Variants in MEGF9 observed in about 807,000 individuals in gnomAD.
The protein encoded by MEGF9 is multiple EGF like domains 9.
MEGF9 carries 6 observed loss-of-function variants against 46.8 expected under a neutral mutation model. The ratio of observed to expected loss-of-function variants is 0.13; its 90% CI spans 0.07 to 0.25. MEGF9 has a LOEUF of 0.25. Ranked by LOEUF, MEGF9 falls within the 10% of genes least tolerant of loss-of-function variation. MEGF9 has a pLI of 1.00. For missense variants in MEGF9, 683 were observed against 792.4 expected (o/e 0.86, Z 1.66); for synonymous variants, 302 against 330.7 (o/e 0.91, Z 0.94).
chr9:120,713,628 C>A, intron 1 of MEGF9, 130 bp downstream of exon 1: 13 of 1,191,118 alleles, frequency 1.1e-5, no homozygotes, highest in Non-Finnish European at 1.4e-5. Context: ...GACCTGGGAT[C>A]CCCCCTCGGG....
intron 3 of MEGF9, 51 bp downstream of exon 3, chr9:120,622,565 A>G: frequency 6.2e-7 from 1 of 1,601,750 alleles, no homozygotes; most frequent in Admixed American, 1.7e-5. Flanking sequence ...AGATTTCCAA[A>G]TTAAAAGAAC....
chr9:120,704,959 A>G (rs1182134974), intron 1 of MEGF9, among the ~76,000 whole-genome samples: 1 of 152,136 alleles, frequency 6.6e-6, no homozygotes, highest in Admixed American at 6.5e-5. Context: ...TAGGAAAATA[A>G]ATTTGCTACT....
intron 1 of MEGF9, among the ~76,000 whole-genome samples, chr9:120,661,858 C>T (rs1180098451): frequency 5.3e-5 from 8 of 152,198 alleles, no homozygotes; most frequent in African/African-American, 1.9e-4. Flanking sequence ...CCAGAAATGA[C>T]CAGAACACTT....
At chr9:120,692,328 T>C (rs1461155341) in intron 1 of MEGF9, among the ~76,000 whole-genome samples, 1 of 152,192 alleles carries the variant, frequency 6.6e-6, no homozygotes, top group Non-Finnish European at 1.5e-5. Context: ...ACAAGTAAAA[T>C]AGGTTTCAAA....
intron 3 of MEGF9, among the ~76,000 whole-genome samples, chr9:120,620,662 G>A (rs1400523439): frequency 6.6e-6 from 1 of 152,074 alleles, no homozygotes; most frequent in Non-Finnish European, 1.5e-5. Context: ...AAGGCAGAGG[G>A]GTCAAGGATG....
Position 120,601,196 on chromosome 9 carries a change from G to C in MEGF9, c.*3994C>G, listed in dbSNP as rs1057382790. On this transcript the variant is annotated 3_prime_UTR_variant, in exon 6 of 6. Coordinates refer to ENST00000373930, the MANE Select transcript of MEGF9 (RefSeq NM_001080497.3). Reference sequence around the variant, plus strand: ...TTACAACTTGACTTTAAATCATTTAGCTTTTGGACTAACTTAGATCTGAAG... The same window carrying C: ...TTACAACTTGACTTTAAATCATTTACCTTTTGGACTAACTTAGATCTGAAG... 1 of 152,478 alleles carries C rather than the reference G, an allele frequency of 6.6e-6. No individual in the cohort carries two copies. Among genetic ancestry groups the C allele is most frequent in the African/African-American group, 2.4e-5 (1 of 41,434 alleles). 9.4% of individuals were successfully genotyped at this position (152,478 alleles called of 1,614,324 possible).
At chr9:120,629,095 T>C (rs376691530) in intron 2 of MEGF9, among the ~76,000 whole-genome samples, 2 of 152,118 alleles carry the variant, frequency 1.3e-5, no homozygotes, top group African/African-American at 4.8e-5. Flanking sequence ...CCCACCTCAA[T>C]CTCTTGAGTG....
intron 2 of MEGF9, among the ~76,000 whole-genome samples, chr9:120,658,718 C>T (rs1307473186): frequency 6.6e-6 from 1 of 152,142 alleles, no homozygotes; most frequent in East Asian, 1.9e-4. Context: ...AAGTGCCTCA[C>T]ATAAGGTCAA....
At chr9:120,622,417 C>CTTTTTTTTTTTTTTT (rs59380409) in intron 3 of MEGF9, among the ~76,000 whole-genome samples, 199 bp downstream of exon 3, 3 of 101,190 alleles carry the variant, frequency 3.0e-5, no homozygotes, top group Admixed American at 1.2e-4. Flanking sequence ...AGGTATATGA[C>CTTTTTTTTTTTTTTT]TTTTTTTTTT....
At chr9:120,607,616 G>A (rs2043425039) in intron 5 of MEGF9, 125 bp downstream of exon 5, 15 of 1,040,262 alleles carry the variant, frequency 1.4e-5, no homozygotes, top group Non-Finnish European at 2.0e-5. Flanking sequence ...ACCTCTTTAG[G>A]CAAATATCTA....
intron 2 of MEGF9, among the ~76,000 whole-genome samples, chr9:120,643,422 G>A (rs1280296273): frequency 6.6e-6 from 1 of 152,140 alleles, no homozygotes; most frequent in Non-Finnish European, 1.5e-5. Context: ...GAATTTGATT[G>A]TACATTCTAA....
intron 1 of MEGF9, among the ~76,000 whole-genome samples, chr9:120,693,633 T>A (rs955489147): frequency 1.3e-5 from 2 of 152,238 alleles, no homozygotes; most frequent in Non-Finnish European, 2.9e-5. Flanking sequence ...GGAATCCATT[T>A]GGAATTTTTC....
Position 120,714,115 on chromosome 9 carries a change from G to A in MEGF9, c.244C>T (p.Pro82Ser). 1.6e-6 allele frequency: 2 copies of A among 1,244,332 alleles called. No individual in the cohort carries two copies. Among genetic ancestry groups the A allele is most frequent in the Non-Finnish European group, 2.0e-6 (2 of 994,090 alleles). 77.1% of individuals were successfully genotyped at this position (1,244,332 alleles called of 1,614,324 possible). A position where few individuals can be genotyped will look rare whatever the true frequency, so the allele number is the denominator to read the frequency against. The change falls in exon 1 of 6, where the codon CCC becomes TCC. Residue 82 changes from proline to serine, a missense_variant. This residue lies in a region of MEGF9 where 370 missense variants were observed against 371.3 expected (regional missense o/e 1.00). Transcript: ENST00000373930. ...APTAQAPRTG[P>S]PRATVHRPLA... The stretch of plus-strand genomic sequence containing the variant: ...GGTCGGTGGACGGTGGCGCGCGGGG[G>A]CCCGGTCCTCGGGGCCTGGGCCGTG...
At chr9:120,682,672 A>C (rs917095982) in intron 1 of MEGF9, among the ~76,000 whole-genome samples, 10 of 152,106 alleles carry the variant, frequency 6.6e-5, no homozygotes, top group Non-Finnish European at 1.3e-4. Flanking sequence ...ACTGTAGATC[A>C]CCCAGGCTCA....
chr9:120,708,226 G>A (rs1055388866), intron 1 of MEGF9, among the ~76,000 whole-genome samples: 11 of 151,736 alleles, frequency 7.2e-5, no homozygotes, highest in Admixed American at 2.0e-4. Flanking sequence ...TTAGCTGGGC[G>A]TGGCGGCATG....
At chr9:120,668,548 A>G (rs2043735366) in intron 1 of MEGF9, among the ~76,000 whole-genome samples, 1 of 152,204 alleles carries the variant, frequency 6.6e-6, no homozygotes, top group Non-Finnish European at 1.5e-5. Context: ...TCTCACATTT[A>G]AAAATCATGT....
chr9:120,635,525 T>G (rs191557662), intron 2 of MEGF9, among the ~76,000 whole-genome samples: 42 of 152,320 alleles, frequency 2.8e-4, no homozygotes, highest in Admixed American at 5.9e-4. Context: ...CTCTCTTTTT[T>G]TTTTCCTCTG....
intron 1 of MEGF9, among the ~76,000 whole-genome samples, chr9:120,703,584 T>C (rs1322313491): frequency 6.6e-6 from 1 of 152,188 alleles, no homozygotes; most frequent in Non-Finnish European, 1.5e-5. Context: ...GTGTTAAATA[T>C]CAGATTAAAA....
At chr9:120,645,463 G>T (rs981147706) in intron 2 of MEGF9, among the ~76,000 whole-genome samples, 6 of 152,126 alleles carry the variant, frequency 3.9e-5, no homozygotes, top group Non-Finnish European at 8.8e-5. Flanking sequence ...GGTTGTTCAG[G>T]GACCAGGCTT....
Sources: allele counts gnomAD v4.1 joint callset (sites outside exome capture counted in the v4.1 genomes callset), GRCh38; gene constraint gnomAD v4.1.1; regional missense constraint gnomAD v4.1.1; transcripts MANE v1.5; gene names NCBI Gene and HGNC (gene_info 2026-07-23, HGNC 2026-07-21).